Variants in CSMD1 observed in about 807,000 individuals in gnomAD.
CSMD1 encodes CUB and sushi domain-containing protein 1.
Under a neutral mutation model 417.5 loss-of-function variants are expected in CSMD1, and 213 were observed. The observed-to-expected ratio is 0.51, with a 90% CI of 0.46 to 0.57. The LOEUF (loss-of-function observed/expected upper bound fraction) is 0.57. CSMD1 is among the 20% of genes least tolerant of loss of function. The pLI is 0.00. For synonymous variants in CSMD1, 2,862 were observed against 1,736.8 expected (o/e 1.65, Z -16.11); for missense variants, 6,923 against 4,529.7 (o/e 1.53, Z -15.17).
At chr8:3,017,530 G>A (rs1019244543) in intron 52 of CSMD1, among the ~76,000 whole-genome samples, 2 of 152,136 alleles carry the variant, frequency 1.3e-5, no homozygotes, top group African/African-American at 4.8e-5. Flanking sequence ...GTGAGAAAGA[G>A]TGTGAGAAAC....
chr8:4,341,535 G>C (rs1383720269), intron 3 of CSMD1, among the ~76,000 whole-genome samples: 4 of 152,058 alleles, frequency 2.6e-5, no homozygotes, highest in Non-Finnish European at 4.4e-5. Context: ...CAAACCCATG[G>C]AAACATTATT....
chr8:4,915,292 C>T (rs138637004), intron 1 of CSMD1, among the ~76,000 whole-genome samples: 15 of 152,184 alleles, frequency 9.9e-5, no homozygotes, highest in African/African-American at 3.1e-4. Flanking sequence ...ACACCCCTCC[C>T]AAAAGCAGAC....
intron 3 of CSMD1, among the ~76,000 whole-genome samples, chr8:4,186,912 C>G (rs13263091): frequency 0.83 from 126,504 of 151,610 alleles, 52,985 homozygotes; most frequent in South Asian, 0.94. Context: ...AGGAGAATCA[C>G]CTGAACCCAC....
intron 3 of CSMD1, among the ~76,000 whole-genome samples, chr8:4,282,515 G>C (rs1796845184): frequency 6.6e-6 from 1 of 152,130 alleles, no homozygotes; most frequent in South Asian, 2.1e-4. Flanking sequence ...TCTAAGCTTT[G>C]CGTTTGTAAA....
chr8:3,415,503 A>G (rs1419566383), intron 12 of CSMD1, among the ~76,000 whole-genome samples: 1 of 152,160 alleles, frequency 6.6e-6, no homozygotes. Context: ...GATTATACGC[A>G]TGCATCATCA....
At chr8:4,535,234 AAC>A (rs1367678208) in intron 2 of CSMD1, among the ~76,000 whole-genome samples, 2 of 152,202 alleles carry the variant, frequency 1.3e-5, no homozygotes, top group Non-Finnish European at 1.5e-5. Flanking sequence ...ACTACATTTT[AAC>A]AATTTTTAAA....
intron 1 of CSMD1, among the ~76,000 whole-genome samples, chr8:4,907,983 T>G (rs1040524982): frequency 1.3e-5 from 2 of 152,182 alleles, no homozygotes; most frequent in African/African-American, 4.8e-5. Context: ...GCATAGATAT[T>G]CTAATACACC....
At chr8:3,295,091 C>A (rs12679130) in intron 25 of CSMD1, among the ~76,000 whole-genome samples, 6,849 of 151,534 alleles carry the variant, frequency 0.045, 228 homozygotes, top group Admixed American at 0.094. Flanking sequence ...CATGTGTGTG[C>A]TTGTATCACT....
chr8:3,703,889 T>C (rs1801013905), intron 7 of CSMD1, among the ~76,000 whole-genome samples: 2 of 152,040 alleles, frequency 1.3e-5, no homozygotes, highest in South Asian at 2.1e-4. Flanking sequence ...TGGCCAATGG[T>C]GAAACCCCAT....
chr8:4,183,441 A>C (rs17405426), intron 3 of CSMD1, among the ~76,000 whole-genome samples: 12,917 of 152,240 alleles, frequency 0.085, 724 homozygotes, highest in Middle Eastern at 0.17. Flanking sequence ...GCTTGTCAAT[A>C]ATTTTTAGCC....
At chr8:2,972,715 G>C (rs1804564202) in intron 57 of CSMD1, among the ~76,000 whole-genome samples, 2 of 152,294 alleles carry the variant, frequency 1.3e-5, no homozygotes, top group Non-Finnish European at 1.5e-5. Flanking sequence ...CAACAGATTG[G>C]AAATGACGTG....
chr8:4,245,247 C>A (rs971131500), intron 3 of CSMD1, among the ~76,000 whole-genome samples: 2 of 152,178 alleles, frequency 1.3e-5, no homozygotes, highest in South Asian at 2.1e-4. Flanking sequence ...AAATCAAGCA[C>A]CTGCATTACG....
chr8:3,902,478 C>G (rs566921843), intron 5 of CSMD1, among the ~76,000 whole-genome samples: 1 of 152,052 alleles, frequency 6.6e-6, no homozygotes, highest in African/African-American at 2.4e-5. Context: ...ACTCAAGTGG[C>G]AGGGGATAGT....
chr8:3,744,959 C>T (rs2129051446), intron 6 of CSMD1, among the ~76,000 whole-genome samples: 1 of 152,238 alleles, frequency 6.6e-6, no homozygotes, highest in East Asian at 1.9e-4. Flanking sequence ...GAGGACAGGG[C>T]TGAGGCCTTT....
chr8:4,659,671 T>C (rs1207220863), intron 1 of CSMD1, among the ~76,000 whole-genome samples: 1 of 152,050 alleles, frequency 6.6e-6, no homozygotes, highest in African/African-American at 2.4e-5. Flanking sequence ...GTTTAATGAG[T>C]ATGGGGTTTC....
intron 4 of CSMD1, among the ~76,000 whole-genome samples, chr8:4,004,804 G>A (rs1585117026): frequency 6.6e-6 from 1 of 152,090 alleles, no homozygotes; most frequent in Non-Finnish European, 1.5e-5. Flanking sequence ...GAGTGCAGTG[G>A]CGCGATCTTG....
At chr8:4,332,588 C>T (rs1352798053) in intron 3 of CSMD1, among the ~76,000 whole-genome samples, 1 of 136,766 alleles carries the variant, frequency 7.3e-6, no homozygotes, top group African/African-American at 2.9e-5. Context: ...CACACACACA[C>T]ACACACACAC....
intron 7 of CSMD1, among the ~76,000 whole-genome samples, chr8:3,651,096 C>G (rs916958690): frequency 6.6e-6 from 1 of 152,172 alleles, no homozygotes; most frequent in Non-Finnish European, 1.5e-5. Flanking sequence ...ATACAATGGC[C>G]GTTTATCACC....
At chr8:3,908,555 G>C (rs188819662) in intron 5 of CSMD1, among the ~76,000 whole-genome samples, 1 of 152,090 alleles carries the variant, frequency 6.6e-6, no homozygotes, top group Non-Finnish European at 1.5e-5. Flanking sequence ...CACTTTTGTA[G>C]CTATGGAGCT....
Sources: allele counts gnomAD v4.1 joint callset (sites outside exome capture counted in the v4.1 genomes callset), GRCh38; gene constraint gnomAD v4.1.1; transcripts MANE v1.5; gene names NCBI Gene and HGNC (gene_info 2026-07-23, HGNC 2026-07-21).